The following DCUN1D1 variants were observed in gnomAD, a reference collection of about 807,000 sequenced individuals.
The protein encoded by DCUN1D1 is DCN1-like protein 1.
Under a neutral mutation model 39.0 loss-of-function variants are expected in DCUN1D1, and 3 were observed. That is an observed-to-expected ratio of 0.08 (90% CI 0.04 to 0.20). The LOEUF is 0.20. Ranked by LOEUF, DCUN1D1 falls within the 10% of genes least tolerant of loss-of-function variation. The pLI is 1.00. For synonymous variants in DCUN1D1, 82 were observed against 96.3 expected (o/e 0.85, Z 0.87); for missense variants, 158 against 302.4 (o/e 0.52, Z 3.54).
At position 182,939,529 on chromosome 3, in the gene DCUN1D1, G is replaced by C. The variant is rs1726045717; in HGVS notation, c.*5565C>G. On this transcript the variant is annotated 3_prime_UTR_variant, in exon 7 of 7. Transcript: ENST00000292782. The stretch of plus-strand genomic sequence containing the variant: ...GTGAACACTAAGTCAGCAACTAAAG[G>C]AACTACACGCAGGTATAAGCTGCAA... 6.6e-6 allele frequency: 1 copy of C among 152,120 alleles called. No individual in the cohort carries two copies. The highest frequency in any genetic ancestry group is 1.5e-5 in the Non-Finnish European group (1 of 68,014). 9.4% of individuals were successfully genotyped at this position (152,120 alleles called of 1,614,324 possible). A position where few individuals can be genotyped will look rare whatever the true frequency, so the allele number is the denominator to read the frequency against.
chr3:182,971,576 T>TAA (rs1166845191), intron 1 of DCUN1D1, among the ~76,000 whole-genome samples: 4 of 123,994 alleles, frequency 3.2e-5, no homozygotes, highest in Admixed American at 8.2e-5. Context: ...GACCCTATCT[T>TAA]AAAAAAAAAA....
chr3:182,959,612 C>A (rs73883967), intron 4 of DCUN1D1, among the ~76,000 whole-genome samples: 94 of 151,300 alleles, frequency 6.2e-4, no homozygotes, highest in African/African-American at 2.1e-3. Context: ...AAACTGCTAG[C>A]ACTTTATTAC....
At position 182,947,353 on chromosome 3, in the gene DCUN1D1, C is replaced by T. The variant is rs1277567662; in HGVS notation, c.604-19G>A. 6.6e-7 allele frequency: 1 copy of T among 1,510,336 alleles called. No individual in the cohort carries two copies. The highest frequency in any genetic ancestry group is 1.2e-5 in the South Asian group (1 of 82,742). The allele number at this position is 1,510,336 out of a possible 1,614,324, so 93.6% of individuals were successfully genotyped here. ...GATGTTCCTATTTAAAAAACAAAAACAAAATACATTTGTATCACTAAAAAG... is the reference window on the plus strand; with the variant it reads ...GATGTTCCTATTTAAAAAACAAAAATAAAATACATTTGTATCACTAAAAAG... On this transcript the variant is annotated intron_variant, in intron 5 of 6. Coordinates refer to ENST00000292782, the MANE Select transcript of DCUN1D1 (RefSeq NM_020640.4).
At chr3:182,945,209 G>A in intron 6 of DCUN1D1, 36 bp from the exon 7 acceptor site, 4 of 1,524,194 alleles carry the variant, frequency 2.6e-6, no homozygotes, top group Admixed American at 1.9e-5. Flanking sequence ...AAAGAGAAGG[G>A]GGAAAAAAGC....
chr3:182,947,695 C>T, intron 4 of DCUN1D1, 63 bp from the exon 5 acceptor site: 1 of 981,414 alleles, frequency 1.0e-6, no homozygotes, highest in South Asian at 1.5e-5. Flanking sequence ...GCAAAAATAA[C>T]AAACAAACAA....
At position 182,962,873 on chromosome 3, in the gene DCUN1D1, C is replaced by T. The variant is rs188800491; in HGVS notation, c.389+1008G>A. On this transcript the variant is annotated intron_variant, in intron 3 of 6. Coordinates refer to ENST00000292782, the MANE Select transcript of DCUN1D1 (RefSeq NM_020640.4). ...TCGGCTCACCACAACCTCCGCCTCC[C>T]GGGTTCAAGCGATTCTCCTGCCTCA... 2.1e-4 allele frequency among the ~76,000 whole-genome samples: 32 copies of T among 152,202 alleles called. No individual in the cohort carries two copies. In the South Asian group the frequency reaches 6.4e-3, roughly 31 times the overall value.
chr3:182,983,054 G>T (rs954645852), upstream of DCUN1D1, among the ~76,000 whole-genome samples: 6 of 152,094 alleles, frequency 3.9e-5, no homozygotes, highest in African/African-American at 1.4e-4. Flanking sequence ...ATGTGAATTT[G>T]TCCGTAAAAT....
At chr3:182,954,892 G>T (rs1414142510) in intron 4 of DCUN1D1, among the ~76,000 whole-genome samples, 2 of 152,036 alleles carry the variant, frequency 1.3e-5, no homozygotes, top group African/African-American at 4.8e-5. Flanking sequence ...GTTTAGTTTG[G>T]TATTAGATAA....
At chr3:182,980,543 G>A, upstream of DCUN1D1, 4 of 1,190,128 alleles carry the variant, frequency 3.4e-6, no homozygotes, top group South Asian at 4.4e-5. Flanking sequence ...GCGAATGGAC[G>A]GCGGCGGCGG....
intron 4 of DCUN1D1, among the ~76,000 whole-genome samples, chr3:182,953,730 C>A (rs754155924): frequency 2.0e-5 from 3 of 152,090 alleles, no homozygotes; most frequent in Non-Finnish European, 2.9e-5. Context: ...TAACAAGAAG[C>A]AACAGCAGTT....
rs1351750785 is a variant in DCUN1D1 at position 182,951,622 on chromosome 3, A to C, written c.521-3990T>G. Reference sequence around the variant, plus strand: ...CAGAGAGAGACCCTGTCTCCCAAAAAAAAAAAAAAAAAAAAAAAAAAAAAC... The same window carrying C: ...CAGAGAGAGACCCTGTCTCCCAAAACAAAAAAAAAAAAAAAAAAAAAAAAC... On this transcript the variant is annotated intron_variant, in intron 4 of 6. Transcript: ENST00000292782. Among the ~76,000 whole-genome samples, 1,097 of 125,088 alleles carry C rather than the reference A, an allele frequency of 8.8e-3. 23 individuals are homozygous for C. Among genetic ancestry groups the C allele is most frequent in the African/African-American group, 0.05 (1,048 of 21,160 alleles). The allele number at this position is 125,088 out of a possible 152,430, so 82.1% of individuals were successfully genotyped here.
chr3:182,956,199 T>G (rs1226446640), intron 4 of DCUN1D1: 6 of 252,256 alleles, frequency 2.4e-5, no homozygotes, highest in Non-Finnish European at 4.9e-5. Flanking sequence ...AGTGCTAGGA[T>G]TATAGGCGTG....
intron 1 of DCUN1D1, among the ~76,000 whole-genome samples, chr3:182,969,311 C>CG (rs1727821998): frequency 6.6e-6 from 1 of 152,154 alleles, no homozygotes; most frequent in Non-Finnish European, 1.5e-5. Flanking sequence ...GTGTACCAGG[C>CG]AGTGTTCTGA....
intron 4 of DCUN1D1, 95 bp from the exon 5 acceptor site, chr3:182,947,727 A>G: frequency 1.4e-6 from 1 of 727,136 alleles, no homozygotes; most frequent in Non-Finnish European, 2.3e-6. Context: ...TGACCAAAGA[A>G]AGTCTAAAAA....
rs537463992 is a variant in DCUN1D1, at chr3:182,962,720, T to C, written c.389+1161A>G. Among the ~76,000 whole-genome samples, 22 of 152,326 alleles carry C rather than the reference T, an allele frequency of 1.4e-4. No homozygotes were observed. The South Asian group carries it at 3.9e-3, about 27-fold the overall frequency. On this transcript the variant is annotated intron_variant, in intron 3 of 6. Transcript: ENST00000292782. ...TGCCTTGGAGTTTCCTTTTATCCCT[T>C]TGACAGAGTAAAGCAAGTCTTTAAA...
intron 1 of DCUN1D1, among the ~76,000 whole-genome samples, chr3:182,979,739 T>C (rs1171984716): frequency 1.3e-5 from 2 of 151,994 alleles, no homozygotes; most frequent in African/African-American, 2.4e-5. Flanking sequence ...GGGCGCTCGC[T>C]AGTCTGTGTT....
rs761288976 is a variant in DCUN1D1, at chr3:182,964,064, A to G, written c.221-15T>C. 25 of 1,601,282 alleles carry G rather than the reference A, an allele frequency of 1.6e-5. No individual in the cohort carries two copies. Among genetic ancestry groups the G allele is most frequent in the Non-Finnish European group, 1.8e-5 (21 of 1,170,504 alleles). Reference sequence around the variant, plus strand: ...ATCTTGAGGGTCTTTAAAAATAACAATGCAATATTAAAGTAGTGTCATATT... The same window carrying G: ...ATCTTGAGGGTCTTTAAAAATAACAGTGCAATATTAAAGTAGTGTCATATT... On this transcript the variant is annotated splice_polypyrimidine_tract_variant and intron_variant, in intron 2 of 6. Transcript: ENST00000292782.
intron 1 of DCUN1D1, among the ~76,000 whole-genome samples, chr3:182,972,840 C>T (rs1728015824): frequency 6.6e-6 from 1 of 152,002 alleles, no homozygotes; most frequent in South Asian, 2.1e-4. Flanking sequence ...GTTGGGAGTC[C>T]GAGACCAGCC....
At position 182,965,511 on chromosome 3, in the gene DCUN1D1, A is replaced by G. The variant is rs777939428; in HGVS notation, c.220+26T>C. 2.6e-6 allele frequency: 4 copies of G among 1,514,492 alleles called. No homozygotes were observed. The Admixed American group carries it at 5.6e-5, about 21-fold the overall frequency. The allele number at this position is 1,514,492 out of a possible 1,614,324, so 93.8% of individuals were successfully genotyped here. A position where few individuals can be genotyped will look rare whatever the true frequency, so the allele number is the denominator to read the frequency against. On this transcript the variant is annotated intron_variant, in intron 2 of 6. Coordinates refer to ENST00000292782, the MANE Select transcript of DCUN1D1 (RefSeq NM_020640.4). ...CTTTGGAAAATCTGGTCCAAAATTT[A>G]CTTAAAGTCACAAGCAAGCACTCAC... is the stretch of plus-strand genomic sequence containing the variant.
Sources: allele counts gnomAD v4.1 joint callset (sites outside exome capture counted in the v4.1 genomes callset), GRCh38; gene constraint gnomAD v4.1.1; transcripts MANE v1.5; gene names NCBI Gene and HGNC (gene_info 2026-07-23, HGNC 2026-07-21).